SAMD12: variants seen among roughly 807,000 people sequenced by gnomAD.
SAMD12 encodes sterile alpha motif domain-containing protein 12.
A neutral mutation model predicts 15.0 loss-of-function variants in SAMD12; 9 were observed. The ratio of observed to expected loss-of-function variants is 0.60; its 90% confidence interval spans 0.36 to 1.05. The LOEUF (loss-of-function observed/expected upper bound fraction) is 1.05, where lower values mean the gene tolerates loss of function less well. Among genes scored for constraint, SAMD12 ranks in the 50% least tolerant of loss-of-function variants. SAMD12 has a pLI of 0.01. For missense variants in SAMD12, 230 were observed against 234.2 expected, an observed-to-expected ratio of 0.98 and a Z score of 0.12; for synonymous variants, 86 against 90.1, an observed-to-expected ratio of 0.96 and a Z score of 0.25.
At chr8:118,434,505 CA>C (rs1822515653) in intron 3 of SAMD12, among the ~76,000 whole-genome samples, 2 of 152,158 alleles carry the variant, frequency 1.3e-5, no homozygotes, top group Admixed American at 1.3e-4. Context: ...AGGAACCCTT[CA>C]CAGATAGAGG....
chr8:118,140,603 T>A, the SAMD12 span, among the ~76,000 whole-genome samples: 4 of 152,142 alleles, frequency 2.6e-5, no homozygotes, highest in African/African-American at 9.7e-5. Context: ...TATATTTCCC[T>A]GCAATCTGTA....
intron 1 of SAMD12, among the ~76,000 whole-genome samples, chr8:118,595,904 T>C (rs1341644815): frequency 1.3e-5 from 2 of 152,236 alleles, no homozygotes; most frequent in South Asian, 2.1e-4. Flanking sequence ...GTTTGATAAA[T>C]ATTCACTCCC....
At chr8:118,259,980 G>A (rs1319772465) in intron 4 of SAMD12, among the ~76,000 whole-genome samples, 1 of 152,114 alleles carries the variant, frequency 6.6e-6, no homozygotes, top group Non-Finnish European at 1.5e-5. Flanking sequence ...TATTTTCCAA[G>A]TAGCTATTGA....
chr8:118,415,566 G>A (rs1821645070), intron 3 of SAMD12, among the ~76,000 whole-genome samples: 1 of 151,472 alleles, frequency 6.6e-6, no homozygotes, highest in Non-Finnish European at 1.5e-5. Context: ...ACAAAAGCGT[G>A]TAATTAATTG....
chr8:118,280,154 C>G (rs1354775855), intron 4 of SAMD12, among the ~76,000 whole-genome samples: 1 of 152,190 alleles, frequency 6.6e-6, no homozygotes, highest in African/African-American at 2.4e-5. Flanking sequence ...TAAAAGAACA[C>G]CAGTAGCCAT....
At chr8:118,412,562 T>C (rs941595414) in intron 3 of SAMD12, among the ~76,000 whole-genome samples, 1 of 152,192 alleles carries the variant, frequency 6.6e-6, no homozygotes, top group Non-Finnish European at 1.5e-5. Flanking sequence ...GATTTGTGTC[T>C]GCTCTAACAT....
At chr8:118,329,351 TATTAAAATTATTATG>T (rs1275764674) in intron 4 of SAMD12, among the ~76,000 whole-genome samples, 31 of 152,134 alleles carry the variant, frequency 2.0e-4, no homozygotes, top group Non-Finnish European at 4.3e-4. Context: ...ATAAAGGAGT[TATTAAAATTATTATG>T]ATTAAAATTA....
chr8:118,137,051 A>G, the SAMD12 span, among the ~76,000 whole-genome samples: 2 of 152,368 alleles, frequency 1.3e-5, no homozygotes, highest in East Asian at 1.9e-4. Context: ...GCAGAGAGTC[A>G]TTGAAAATGA....
intron 4 of SAMD12, among the ~76,000 whole-genome samples, chr8:118,356,719 G>A (rs1366101687): frequency 6.6e-6 from 1 of 152,120 alleles, no homozygotes; most frequent in Non-Finnish European, 1.5e-5. Flanking sequence ...GCTTTATTGG[G>A]TGTTTCAAAG....
At chr8:118,620,180 G>A (rs1280735348) in intron 1 of SAMD12, among the ~76,000 whole-genome samples, 1 of 152,106 alleles carries the variant, frequency 6.6e-6, no homozygotes, top group Non-Finnish European at 1.5e-5. Context: ...TTGTTTTCGA[G>A]AACAGTGTGG....
chr8:118,180,055 C>T, the SAMD12 span, among the ~76,000 whole-genome samples: 14 of 152,324 alleles, frequency 9.2e-5, no homozygotes, highest in South Asian at 2.3e-3. Context: ...GGTGCTCCCT[C>T]GGCCGGACTC....
chr8:118,188,381 G>A (rs1484992134), downstream of SAMD12, among the ~76,000 whole-genome samples: 1 of 152,150 alleles, frequency 6.6e-6, no homozygotes, highest in East Asian at 1.9e-4. Context: ...GAGGAAGTAG[G>A]AGAAAATTGT....
intron 4 of SAMD12, among the ~76,000 whole-genome samples, chr8:118,273,208 A>G (rs931830328): frequency 1.3e-5 from 2 of 152,186 alleles, no homozygotes; most frequent in African/African-American, 4.8e-5. Flanking sequence ...GGAAGAAAAC[A>G]TGTCCTTCTT....
At chr8:118,422,049 G>C (rs531483838) in intron 3 of SAMD12, among the ~76,000 whole-genome samples, 9 of 152,318 alleles carry the variant, frequency 5.9e-5, no homozygotes, top group Non-Finnish European at 1.3e-4. Flanking sequence ...TATAGGATGA[G>C]CTTCATGAAA....
At chr8:118,424,169 A>G (rs1422815957) in intron 3 of SAMD12, among the ~76,000 whole-genome samples, 1 of 152,212 alleles carries the variant, frequency 6.6e-6, no homozygotes, top group Non-Finnish European at 1.5e-5. Flanking sequence ...ATGCTTCTAA[A>G]CAATAAAAAA....
chr8:118,391,708 G>C (rs1378405953), intron 3 of SAMD12, among the ~76,000 whole-genome samples: 1 of 152,110 alleles, frequency 6.6e-6, no homozygotes, highest in African/African-American at 2.4e-5. Flanking sequence ...ACTTTTAAAT[G>C]ATAAATGTTA....
chr8:118,297,957 T>C (rs1814804214), intron 4 of SAMD12, among the ~76,000 whole-genome samples: 1 of 152,160 alleles, frequency 6.6e-6, no homozygotes, highest in African/African-American at 2.4e-5. Context: ...TGGGAAAGCC[T>C]AAATGCAGTG....
chr8:118,472,622 T>G (rs1368683634), intron 2 of SAMD12, among the ~76,000 whole-genome samples: 1 of 151,348 alleles, frequency 6.6e-6, no homozygotes, highest in South Asian at 2.1e-4. Context: ...ATATAGTGAG[T>G]GATGATCGCA....
chr8:118,231,818 G>T (rs951814775), intron 4 of SAMD12, among the ~76,000 whole-genome samples: 1 of 151,876 alleles, frequency 6.6e-6, no homozygotes, highest in African/African-American at 2.4e-5. Flanking sequence ...TTGCAATTTG[G>T]TATGGCCATG....
Sources: allele counts gnomAD v4.1 joint callset (sites outside exome capture counted in the v4.1 genomes callset), GRCh38; gene constraint gnomAD v4.1.1; transcripts MANE v1.5; gene names NCBI Gene and HGNC (gene_info 2026-07-23, HGNC 2026-07-21).